STPG2: variants seen among roughly 807,000 people sequenced by gnomAD.
The protein encoded by STPG2 is sperm-tail PG-rich repeat-containing protein 2.
Under a neutral mutation model 54.2 loss-of-function variants are expected in STPG2, and 56 were observed. That is an observed-to-expected ratio of 1.03 (90% confidence interval 0.83 to 1.29). The LOEUF is 1.29. Among genes scored for constraint, STPG2 ranks in the 50% most tolerant of loss-of-function variants. The pLI, the probability that STPG2 is intolerant of heterozygous loss-of-function variation, is 0.00. For synonymous variants in STPG2, 200 were observed against 181.8 expected (o/e 1.10, Z -0.81); for missense variants, 596 against 544.9 (o/e 1.09, Z -0.93).
At chr4:98,109,735 C>T (rs1217466090) in intron 3 of STPG2, among the ~76,000 whole-genome samples, 1 of 152,242 alleles carries the variant, frequency 6.6e-6, no homozygotes, top group Admixed American at 6.5e-5. Context: ...ATGGTCATTA[C>T]ATAACTTCAT....
At chr4:97,925,371 G>A (rs1049842130) in intron 8 of STPG2, among the ~76,000 whole-genome samples, 1 of 152,116 alleles carries the variant, frequency 6.6e-6, no homozygotes, top group African/African-American at 2.4e-5. Flanking sequence ...AGCTAATGAA[G>A]TTAGACAATT....
chr4:97,725,292 C>CT (rs982232179), intron 9 of STPG2, among the ~76,000 whole-genome samples: 30 of 147,308 alleles, frequency 2.0e-4, no homozygotes, highest in East Asian at 7.9e-4. Flanking sequence ...AATAGTACCA[C>CT]TTTTTTTTTT....
At chr4:97,928,608 C>T (rs1471675237) in intron 8 of STPG2, among the ~76,000 whole-genome samples, 2 of 151,978 alleles carry the variant, frequency 1.3e-5, no homozygotes, top group Non-Finnish European at 2.9e-5. Context: ...GTAATTAGGT[C>T]TTTAAGGGAT....
intron 5 of STPG2, among the ~76,000 whole-genome samples, chr4:98,016,138 A>G (rs560550502): frequency 1.4e-4 from 21 of 152,292 alleles, no homozygotes; most frequent in African/African-American, 5.1e-4. Flanking sequence ...GCAAACCACC[A>G]TGGCTCATGT....
chr4:98,015,435 C>T (rs181475561), intron 5 of STPG2, among the ~76,000 whole-genome samples: 14 of 152,214 alleles, frequency 9.2e-5, no homozygotes, highest in African/African-American at 2.2e-4. Flanking sequence ...GACATTTATG[C>T]GGCCAACAAA....
chr4:97,994,786 A>G (rs1735151089), intron 5 of STPG2, among the ~76,000 whole-genome samples: 1 of 152,086 alleles, frequency 6.6e-6, no homozygotes, highest in South Asian at 2.1e-4. Context: ...GCCCCAAGCT[A>G]GGAGGTGGCA....
chr4:97,563,779 T>C (rs1332261624), intron 10 of STPG2, among the ~76,000 whole-genome samples: 2 of 152,200 alleles, frequency 1.3e-5, no homozygotes, highest in Non-Finnish European at 2.9e-5. Context: ...TGAGTTCTGG[T>C]TTGATTGCAC....
chr4:97,479,322 T>C (rs1275211158), intron 4 of STPG2, among the ~76,000 whole-genome samples: 1 of 151,926 alleles, frequency 6.6e-6, no homozygotes, highest in Non-Finnish European at 1.5e-5. Context: ...GGGAGAAAGA[T>C]TGTTCTGAAT....
intron 5 of STPG2, among the ~76,000 whole-genome samples, chr4:98,067,954 T>TG (rs1737885067): frequency 6.6e-6 from 1 of 152,132 alleles, no homozygotes; most frequent in Non-Finnish European, 1.5e-5. Flanking sequence ...AAAGCAGGGT[T>TG]ATTTTTTTTA....
chr4:97,613,506 G>C (rs180833416), intron 10 of STPG2, among the ~76,000 whole-genome samples: 2,247 of 139,526 alleles, frequency 0.016, 53 homozygotes, highest in African/African-American at 0.07. Flanking sequence ...GTGTGTGTGT[G>C]TGTGTGTGTG....
intron 5 of STPG2, among the ~76,000 whole-genome samples, chr4:97,982,808 T>C (rs893307583): frequency 2.0e-5 from 3 of 152,190 alleles, no homozygotes; most frequent in Non-Finnish European, 1.5e-5. Context: ...CTCATAATTA[T>C]ATCCAGGTTA....
At chr4:97,978,078 G>T (rs1251992382) in intron 6 of STPG2, among the ~76,000 whole-genome samples, 1 of 152,168 alleles carries the variant, frequency 6.6e-6, no homozygotes, top group African/African-American at 2.4e-5. Flanking sequence ...TCATCCATGT[G>T]TGAGAAGGTA....
chr4:97,853,989 T>A (rs889059010), intron 8 of STPG2, among the ~76,000 whole-genome samples: 3 of 152,138 alleles, frequency 2.0e-5, no homozygotes, highest in Middle Eastern at 3.4e-3. Context: ...TTTTTTATTG[T>A]TGTTGTTTGT....
intron 9 of STPG2, among the ~76,000 whole-genome samples, chr4:97,785,352 T>C (rs964906578): frequency 6.6e-6 from 1 of 152,034 alleles, no homozygotes; most frequent in South Asian, 2.1e-4. Flanking sequence ...AGAAAGTAAT[T>C]ACAGTCTATT....
chr4:97,659,566 G>A (rs1722315155), intron 10 of STPG2, among the ~76,000 whole-genome samples: 1 of 152,150 alleles, frequency 6.6e-6, no homozygotes, highest in Non-Finnish European at 1.5e-5. Context: ...GGGAACAAAT[G>A]ACCTTTTTAC....
At chr4:97,937,345 T>C (rs538584127) in intron 8 of STPG2, among the ~76,000 whole-genome samples, 44 of 152,174 alleles carry the variant, frequency 2.9e-4, no homozygotes, top group Admixed American at 9.2e-4. Flanking sequence ...CTCAGCAAAG[T>C]ATGTTATTAT....
chr4:97,886,534 G>C (rs887323782), intron 8 of STPG2, among the ~76,000 whole-genome samples: 3 of 152,182 alleles, frequency 2.0e-5, no homozygotes, highest in African/African-American at 7.2e-5. Flanking sequence ...AAAATGAATG[G>C]AGATATATCC....
intron 7 of STPG2, among the ~76,000 whole-genome samples, chr4:97,965,731 G>A (rs1227898092): frequency 6.6e-6 from 1 of 152,164 alleles, no homozygotes; most frequent in Non-Finnish European, 1.5e-5. Flanking sequence ...ACGGGGTCTG[G>A]AGTAGACCTC....
intron 4 of STPG2, among the ~76,000 whole-genome samples, chr4:97,545,876 CA>C (rs1731823584): frequency 6.6e-6 from 1 of 151,954 alleles, no homozygotes; most frequent in Admixed American, 6.6e-5. Flanking sequence ...GTAATTTTCT[CA>C]GGAATAAGAT....
Sources: gnomAD v4.1 joint callset for allele counts (sites outside exome capture counted in the v4.1 genomes callset) on GRCh38, gnomAD v4.1.1 for gene constraint, MANE v1.5 for transcripts, NCBI Gene and HGNC (gene_info 2026-07-23, HGNC 2026-07-21) for gene names.